Variants in ZNF416 observed in about 807,000 individuals in gnomAD.
ZNF416 encodes the protein zinc finger protein 416.
Under a neutral mutation model 10.9 loss-of-function variants are expected in ZNF416, and 5 were observed. The observed-to-expected ratio is 0.46, with a 90% confidence interval of 0.24 to 0.97. The LOEUF (loss-of-function observed/expected upper bound fraction) is 0.97. ZNF416 is among the 50% of genes least tolerant of loss of function. The pLI, the probability that ZNF416 is intolerant of heterozygous loss-of-function variation, is 0.19. For missense variants in ZNF416, 675 were observed against 715.0 expected, an observed-to-expected ratio of 0.94 and a Z score of 0.64; for synonymous variants, 267 against 251.8, an observed-to-expected ratio of 1.06 and a Z score of -0.57.
At position 57,572,229 on chromosome 19, in the gene ZNF416, A is replaced by G. The variant is rs1371288045; in HGVS notation, c.1675T>C (p.Phe559Leu). The G allele has an allele frequency of 3.1e-6, 5 of 1,614,216 alleles. No homozygotes were observed. Among genetic ancestry groups the G allele is most frequent in the Admixed American group, 1.7e-5 (1 of 60,026 alleles). ...AGAATGAGGCCAGAGTGTTGTGTAA[A>G]GGACTTCCCACATTTGCCACACTCA... is the stretch of plus-strand genomic sequence containing the variant. Reference protein sequence around the residue: ...PYECGKCGKSFTQHSGLILHR... With the variant: ...PYECGKCGKSLTQHSGLILHR... Residue 559 changes from phenylalanine to leucine, a missense_variant, in exon 4 of 4, where the codon TTT becomes CTT. Transcript: ENST00000196489. The surrounding 1 kb of genome is among the most constrained non-coding windows in gnomAD (Gnocchi z 4.5).
rs768752633 is a variant in ZNF416, at chr19:57,573,173, G to A, written c.731C>T (p.Ser244Phe). The A allele has an allele frequency of 1.2e-6, 2 of 1,614,212 alleles. No individual in the cohort carries two copies. The highest frequency in any genetic ancestry group is 1.1e-5 in the South Asian group (1 of 91,088). The change falls in exon 4 of 4, where the codon TCT becomes TTT. Residue 244 changes from serine (S) to phenylalanine (F), a missense_variant. Transcript: ENST00000196489. ...GCAGCAGGCTTTCCCACATTTGCTA[G>A]ATTCATAAAGCCTTTTTCCAGTGCA... ...RVCTGKRLYESSKCGKACCCE... is the reference protein window; with the variant it reads ...RVCTGKRLYEFSKCGKACCCE...
intron 2 of ZNF416, 144 bp downstream of exon 2, chr19:57,577,913 G>T: frequency 1.2e-6 from 1 of 829,320 alleles, no homozygotes; most frequent in Non-Finnish European, 2.0e-6. Context: ...TTCCAGCCTG[G>T]ATGTATGACC....
Position 57,576,055 on chromosome 19 carries a change from G to T in ZNF416, c.76-125C>A, listed in dbSNP as rs1259208449. ...AGCCCCACCTCAGAGGAGATACCAAGACCTGGTGGCACTGATTCCTGCCCT... is the reference window on the plus strand; with the variant it reads ...AGCCCCACCTCAGAGGAGATACCAATACCTGGTGGCACTGATTCCTGCCCT... On this transcript the variant is annotated intron_variant, in intron 2 of 3. Transcript: ENST00000196489. 5.6e-6 allele frequency: 7 copies of T among 1,246,834 alleles called. No homozygotes were observed. In the South Asian group the frequency reaches 8.6e-5, roughly 15 times the overall value. 77.2% of individuals were successfully genotyped at this position (1,246,834 alleles called of 1,614,324 possible).
intron 2 of ZNF416, among the ~76,000 whole-genome samples, chr19:57,576,592 G>C (rs73060439): frequency 6.6e-6 from 1 of 151,744 alleles, no homozygotes; most frequent in African/African-American, 2.4e-5. Context: ...GAAATACCTG[G>C]GGATCTGACA....
chr19:57,575,906 C>A lies in ZNF416; in HGVS notation c.100G>T (p.Ala34Ser). Residue 34 changes from alanine to serine, a missense_variant, in exon 3 of 4, where the codon GCC becomes TCC. By Grantham distance (99) the Ala-to-Ser change is moderately conservative (BLOSUM62 1). Transcript: ENST00000196489. The surrounding 1 kb of genome is among the most constrained non-coding windows in gnomAD (Gnocchi z 4.4). Reference sequence around the variant, plus strand: ...CATTCTTCCTGGGAGAAGTAAATGGCCACGTCCTCAAAGGTCACACAGCCC... The same window carrying A: ...CATTCTTCCTGGGAGAAGTAAATGGACACGTCCTCAAAGGTCACACAGCCC... ...TQGCVTFEDVAIYFSQEEWGL... is the reference protein window; with the variant it reads ...TQGCVTFEDVSIYFSQEEWGL... 6.2e-7 allele frequency: 1 copy of A among 1,614,016 alleles called. No homozygotes were observed. The highest frequency in any genetic ancestry group is 8.5e-7 in the Non-Finnish European group (1 of 1,179,956).
intron 1 of ZNF416, 27 bp from the exon 2 acceptor site, chr19:57,578,125 G>A (rs761821751): frequency 1.2e-5 from 20 of 1,613,798 alleles, no homozygotes; most frequent in Non-Finnish European, 1.6e-5. Context: ...GCTATGAGAG[G>A]CAGGTAACTA....
Position 57,573,348 on chromosome 19 carries a change from T to TA in ZNF416, c.555_556insT (p.Ile186TyrfsTer9). ...TTAGCAATAGCTTGCGGCTGAAGAA[T>TA]GCCCAATGGGGCTAGGAAGTCCTTC... On this transcript the variant is annotated frameshift_variant, in exon 4 of 4. Coordinates refer to ENST00000196489, the MANE Select transcript of ZNF416 (RefSeq NM_017879.3). LOFTEE classifies it low-confidence loss of function (END_TRUNC). 1.2e-6 allele frequency: 2 copies of TA among 1,614,252 alleles called. No homozygotes were observed.
At position 57,571,825 on chromosome 19, in the gene ZNF416, C is replaced by T. The variant is rs1332569676; in HGVS notation, c.*294G>A. On this transcript the variant is annotated 3_prime_UTR_variant, in exon 4 of 4. Coordinates refer to ENST00000196489, the MANE Select transcript of ZNF416 (RefSeq NM_017879.3). ...AAGGCTCAGACTGCTCAAGGAATTTCCTCCAAGGGTTGGGAGAACACAGGT... is the reference window on the plus strand; with the variant it reads ...AAGGCTCAGACTGCTCAAGGAATTTTCTCCAAGGGTTGGGAGAACACAGGT... 1 of 336,444 alleles carries T rather than the reference C, an allele frequency of 3.0e-6. No homozygotes were observed. Among genetic ancestry groups the T allele is most frequent in the Non-Finnish European group, 5.4e-6 (1 of 183,558 alleles). 20.8% of individuals were successfully genotyped at this position (336,444 alleles called of 1,614,324 possible). A position where few individuals can be genotyped will look rare whatever the true frequency, so the allele number is the denominator to read the frequency against.
At position 57,578,659 on chromosome 19, in the gene ZNF416, A is replaced by G. The variant is rs1978641690; in HGVS notation, c.33+13T>C. On this transcript the variant is annotated intron_variant, in intron 1 of 3. Transcript: ENST00000196489. ...GGAGAGGGCAGGTGAGGCCCGGGAG[A>G]CGCAGCACTCACCGAAGTCGAATCC... 4.5e-6 allele frequency: 7 copies of G among 1,551,406 alleles called. No individual in the cohort carries two copies. The highest frequency in any genetic ancestry group is 6.1e-6 in the Non-Finnish European group (7 of 1,150,158).
chr19:57,575,701 GA>G lies in ZNF416; in HGVS notation c.202+102del. ...CCTTACACCACAGCACATACGCCAA[GA>G]CAGTGGGGAAGTCAGCAAAGCCCAC... On this transcript the variant is annotated intron_variant, in intron 3 of 3. Transcript: ENST00000196489. This position sits in a 1 kb window ranked among gnomAD's most constrained non-coding sequence, Gnocchi z 4.4. The G allele has an allele frequency of 6.7e-7, 1 of 1,481,916 alleles. No homozygotes were observed. Among genetic ancestry groups the G allele is most frequent in the Non-Finnish European group, 9.4e-7 (1 of 1,061,318 alleles). The allele number at this position is 1,481,916 out of a possible 1,614,324, so 91.8% of individuals were successfully genotyped here. A position where few individuals can be genotyped will look rare whatever the true frequency, so the allele number is the denominator to read the frequency against.
chr19:57,578,389 C>G (rs1178157577), intron 1 of ZNF416: 2 of 542,018 alleles, frequency 3.7e-6, no homozygotes, highest in African/African-American at 3.8e-5. Flanking sequence ...CACAACCACC[C>G]ATGGCTCTCA....
At position 57,578,817 on chromosome 19, in the gene ZNF416, C is replaced by A; in HGVS notation, c.-113G>T. ...GGCTGATGCGCAGCGGGGCGACCCC[C>A]GCTCTGTGCCGGAGGCAGCGTTTCT... On this transcript the variant is annotated 5_prime_UTR_variant, in exon 1 of 4. Coordinates refer to ENST00000196489, the MANE Select transcript of ZNF416 (RefSeq NM_017879.3). 2.7e-6 allele frequency: 3 copies of A among 1,110,696 alleles called. No homozygotes were observed. In the East Asian group the frequency reaches 9.6e-5, roughly 35 times the overall value. 68.8% of individuals were successfully genotyped at this position (1,110,696 alleles called of 1,614,324 possible). A position where few individuals can be genotyped will look rare whatever the true frequency, so the allele number is the denominator to read the frequency against.
chr19:57,572,203 G>A lies in ZNF416; in HGVS notation c.1701C>T (p.Leu567=), dbSNP rs1171722162. 1.9e-6 allele frequency: 3 copies of A among 1,614,076 alleles called. No individual in the cohort carries two copies. Among genetic ancestry groups the A allele is most frequent in the Middle Eastern group, 1.6e-4 (1 of 6,082 alleles). Reference sequence around the variant, plus strand: ...TCTCCACAGTGTGAGATTTTCGGTGGAGAATGAGGCCAGAGTGTTGTGTAA... The same window carrying A: ...TCTCCACAGTGTGAGATTTTCGGTGAAGAATGAGGCCAGAGTGTTGTGTAA... ...KSFTQHSGLI[L]HRKSHTVERP... The change falls in exon 4 of 4, where the codon CTC becomes CTT. Residue 567 remains leucine (L), a synonymous_variant. Transcript: ENST00000196489. The surrounding 1 kb of genome is among the most constrained non-coding windows in gnomAD (Gnocchi z 4.5).
rs371569441 is a variant in ZNF416, at chr19:57,578,392, G to A, written c.33+280C>T. On this transcript the variant is annotated intron_variant, in intron 1 of 3. Coordinates refer to ENST00000196489, the MANE Select transcript of ZNF416 (RefSeq NM_017879.3). ...GCCTCGTCTGTTCACAACCACCCATGGCTCTCAGCGTCTTGAAAAGAAAGA... is the reference window on the plus strand; with the variant it reads ...GCCTCGTCTGTTCACAACCACCCATAGCTCTCAGCGTCTTGAAAAGAAAGA... The A allele has an allele frequency of 2.4e-4, 130 of 531,588 alleles. 2 individuals are homozygous for A. The highest frequency in any genetic ancestry group is 1.7e-3 in the East Asian group (57 of 33,344). 32.9% of individuals were successfully genotyped at this position (531,588 alleles called of 1,614,324 possible).
chr19:57,578,186 G>C (rs910496870), intron 1 of ZNF416, 88 bp from the exon 2 acceptor site: 15 of 1,378,984 alleles, frequency 1.1e-5, no homozygotes, highest in Admixed American at 1.0e-4. Context: ...CGCAGCCCTG[G>C]AGCCAGGTGA....
chr19:57,572,036 C>T lies in ZNF416; in HGVS notation c.*83G>A. The T allele has an allele frequency of 6.6e-7, 1 of 1,511,624 alleles. No individual in the cohort carries two copies. Among genetic ancestry groups the T allele is most frequent in the Non-Finnish European group, 8.9e-7 (1 of 1,126,286 alleles). The allele number at this position is 1,511,624 out of a possible 1,614,324, so 93.6% of individuals were successfully genotyped here. Reference sequence around the variant, plus strand: ...TAGGCAGACGGCTCCTTCACAAAGGCTCTCTATAGCCATAACACTGAAGAA... The same window carrying T: ...TAGGCAGACGGCTCCTTCACAAAGGTTCTCTATAGCCATAACACTGAAGAA... On this transcript the variant is annotated 3_prime_UTR_variant, in exon 4 of 4. Transcript: ENST00000196489. This position sits in a 1 kb window ranked among gnomAD's most constrained non-coding sequence, Gnocchi z 4.5.
At position 57,572,394 on chromosome 19, in the gene ZNF416, T is replaced by C. The variant is rs565987759; in HGVS notation, c.1510A>G (p.Arg504Gly). Reference protein sequence around the residue: ...FECSECGKFFRQSYTLVEHQK... With the variant: ...FECSECGKFFGQSYTLVEHQK... ...TGTTCAACGAGGGTATAGCTTTGTC[T>C]AAAAAATTTCCCACATTCACTGCAC... Residue 504 changes from arginine (R) to glycine (G), a missense_variant, in exon 4 of 4, where the codon AGA (arginine) becomes GGA (glycine). Transcript: ENST00000196489. This position sits in a 1 kb window ranked among gnomAD's most constrained non-coding sequence, Gnocchi z 4.5. 1 of 1,614,254 alleles carries C rather than the reference T, an allele frequency of 6.2e-7. No homozygotes were observed. Among genetic ancestry groups the C allele is most frequent in the South Asian group, 1.1e-5 (1 of 91,090 alleles).
Position 57,575,836 on chromosome 19 carries a change from A to G in ZNF416, c.170T>C (p.Met57Thr). The change falls in exon 3 of 4, where the codon ATG (methionine) becomes ACG (threonine). Residue 57 changes from methionine to threonine, a missense_variant. Transcript: ENST00000196489. The surrounding 1 kb of genome is among the most constrained non-coding windows in gnomAD (Gnocchi z 4.4). ...AGTTATAAGTGCAAAGTTCTCCAGC[A>G]TCACATCGCGGTACAGGAGCCTCTG... ...EAQRLLYRDV[M>T]LENFALITAL... 1 of 1,614,120 alleles carries G rather than the reference A, an allele frequency of 6.2e-7. No homozygotes were observed. Among genetic ancestry groups the G allele is most frequent in the East Asian group, 2.2e-5 (1 of 44,878 alleles).
At chr19:57,577,610 T>C (rs1330248851) in intron 2 of ZNF416, among the ~76,000 whole-genome samples, 1 of 152,186 alleles carries the variant, frequency 6.6e-6, no homozygotes, top group East Asian at 1.9e-4. Context: ...TTCTCTCAGC[T>C]TGGCCACACA....
Sources: gnomAD v4.1 joint callset for allele counts (sites outside exome capture counted in the v4.1 genomes callset) on GRCh38, gnomAD v4.1.1 for gene constraint, Gnocchi (gnomAD v3.1) non-coding constraint, MANE v1.5 for transcripts, NCBI Gene and HGNC (gene_info 2026-07-23, HGNC 2026-07-21) for gene names.